The following TMEM87B variants were observed in gnomAD, a reference collection of about 807,000 sequenced individuals.
The protein encoded by TMEM87B is transmembrane protein 87B.
In TMEM87B, 83 loss-of-function variants were observed where a neutral mutation model predicts 80.3. The ratio of observed to expected loss-of-function variants is 1.03; its 90% CI spans 0.87 to 1.24. The LOEUF (loss-of-function observed/expected upper bound fraction) is 1.24, where lower values mean the gene tolerates loss of function less well. Among genes scored for constraint, TMEM87B ranks in the 50% most tolerant of loss-of-function variants. The pLI, the probability that TMEM87B is intolerant of heterozygous loss-of-function variation, is 0.00. For missense variants in TMEM87B, 625 were observed against 674.4 expected (o/e 0.93, Z 0.81); for synonymous variants, 219 against 230.5 (o/e 0.95, Z 0.45).
rs781164169 is a variant in TMEM87B at position 112,097,098 on chromosome 2, G to C, written c.1159G>C (p.Val387Leu). 6.2e-7 allele frequency: 1 copy of C among 1,609,174 alleles called. No homozygotes were observed. Among genetic ancestry groups the C allele is most frequent in the Non-Finnish European group, 8.5e-7 (1 of 1,178,702 alleles). ...GACCCTAAGGCTAAGAAAGAACACT[G>C]TGAAATTTTCATTATATAGACATTT... The part of the protein sequence containing the change: ...MKTLRLRKNT[V>L]KFSLYRHFKN... Residue 387 changes from valine (V) to leucine (L), a missense_variant, in exon 12 of 19, where the codon GTG becomes CTG. By Grantham distance (32) the Val-to-Leu change is conservative. Transcript: ENST00000283206.
At chr2:112,077,160 AT>A (rs1246966012) in intron 5 of TMEM87B, 31 bp from the exon 6 acceptor site, 1 of 1,297,662 alleles carries the variant, frequency 7.7e-7, no homozygotes, top group Admixed American at 2.0e-5. Context: ...TTTGTTAAAA[AT>A]AATGAAGAAT....
chr2:112,057,599 C>T (rs928932888), intron 1 of TMEM87B, among the ~76,000 whole-genome samples: 1 of 151,834 alleles, frequency 6.6e-6, no homozygotes, highest in African/African-American at 2.4e-5. Context: ...TTTGAGTGTA[C>T]AAGGGAGCAA....
chr2:112,055,821 G>A (rs1558823715), intron 1 of TMEM87B, 65 bp downstream of exon 1: 1 of 1,433,368 alleles, frequency 7.0e-7, no homozygotes, highest in Non-Finnish European at 9.1e-7. Flanking sequence ...GTGCGGCTTC[G>A]CTTGACCCCG....
At chr2:112,110,361 A>T (rs1005982023) in intron 17 of TMEM87B, among the ~76,000 whole-genome samples, 1 of 151,594 alleles carries the variant, frequency 6.6e-6, no homozygotes, top group African/African-American at 2.4e-5. Context: ...GAATTTCTTC[A>T]TGCTTTGTTT....
intron 4 of TMEM87B, among the ~76,000 whole-genome samples, chr2:112,070,997 AT>A (rs902997004): frequency 1.4e-4 from 20 of 145,842 alleles, no homozygotes; most frequent in Non-Finnish European, 2.9e-4. Context: ...AATTTTTTGT[AT>A]TTTTTTTTAG....
At chr2:112,094,138 A>G (rs1338838762) in intron 11 of TMEM87B, among the ~76,000 whole-genome samples, 3 of 149,310 alleles carry the variant, frequency 2.0e-5, no homozygotes, top group African/African-American at 7.4e-5. Context: ...ATTTATAGAT[A>G]TTTATTTCAA....
At chr2:112,078,361 G>A (rs1678883810) in intron 6 of TMEM87B, among the ~76,000 whole-genome samples, 1 of 152,164 alleles carries the variant, frequency 6.6e-6, no homozygotes, top group African/African-American at 2.4e-5. Context: ...CACCTTAAAC[G>A]ATGTGTTCTC....
intron 15 of TMEM87B, 45 bp from the exon 16 acceptor site, chr2:112,105,955 AAT>A: frequency 7.5e-7 from 1 of 1,330,606 alleles, no homozygotes; most frequent in Non-Finnish European, 1.0e-6. Context: ...TCTAAAGGAA[AAT>A]ATTATTTTGT....
At chr2:112,073,344 C>T (rs59183373) in intron 4 of TMEM87B, among the ~76,000 whole-genome samples, 118 of 152,254 alleles carry the variant, frequency 7.8e-4, no homozygotes, top group African/African-American at 2.5e-3. Flanking sequence ...TGATTTCTGC[C>T]TTAATTTCAT....
At chr2:112,099,665 C>T in intron 14 of TMEM87B, among the ~76,000 whole-genome samples, 1 of 150,200 alleles carries the variant, frequency 6.7e-6, no homozygotes, top group Non-Finnish European at 1.5e-5. Flanking sequence ...GACTTGAGCC[C>T]AGGAATTCGA....
chr2:112,085,008 C>T (rs1052986628), intron 8 of TMEM87B, among the ~76,000 whole-genome samples: 2 of 152,228 alleles, frequency 1.3e-5, no homozygotes, highest in African/African-American at 4.8e-5. Context: ...AGACAACATG[C>T]AAACAAATGA....
At chr2:112,098,469 G>A (rs777490346) in intron 13 of TMEM87B, 126 bp from the exon 14 acceptor site, 24 of 812,262 alleles carry the variant, frequency 3.0e-5, no homozygotes, top group Non-Finnish European at 2.2e-5. Flanking sequence ...ATATGTGCTT[G>A]TTTATTTGGA....
chr2:112,061,088 C>T (rs1051030555), intron 2 of TMEM87B, among the ~76,000 whole-genome samples: 1 of 152,090 alleles, frequency 6.6e-6, no homozygotes, highest in Admixed American at 6.5e-5. Context: ...AATTGCTGGA[C>T]AACATTTTAA....
chr2:112,060,285 C>G (rs66990408), intron 2 of TMEM87B, among the ~76,000 whole-genome samples: 71,888 of 151,260 alleles, frequency 0.48, 17,511 homozygotes, highest in Middle Eastern at 0.65. Context: ...GGAGGCAGAG[C>G]TTGCAGTGAG....
chr2:112,055,854 C>G, intron 1 of TMEM87B, 98 bp downstream of exon 1: 1 of 1,357,466 alleles, frequency 7.4e-7, no homozygotes, highest in Non-Finnish European at 9.6e-7. Flanking sequence ...CTGCCTCTGC[C>G]GGGTCAGCAC....
At chr2:112,088,713 T>C (rs1321303669) in intron 9 of TMEM87B, among the ~76,000 whole-genome samples, 1 of 152,170 alleles carries the variant, frequency 6.6e-6, no homozygotes, top group African/African-American at 2.4e-5. Flanking sequence ...ATCTTTGTAT[T>C]TTCCCAACTC....
At position 112,081,532 on chromosome 2, in the gene TMEM87B, G is replaced by A; in HGVS notation, c.838+14G>A. On this transcript the variant is annotated intron_variant, in intron 8 of 18. Transcript: ENST00000283206. ...CTGGACTGTCAAGTAAGTTTTGACT[G>A]TCTCTGTAAATATAGTATGATCTAA... is the stretch of plus-strand genomic sequence containing the variant. 1 of 1,594,924 alleles carries A rather than the reference G, an allele frequency of 6.3e-7. No individual in the cohort carries two copies. Among genetic ancestry groups the A allele is most frequent in the South Asian group, 1.1e-5 (1 of 87,948 alleles).
intron 15 of TMEM87B, among the ~76,000 whole-genome samples, chr2:112,103,549 A>G (rs772902355): frequency 1.3e-5 from 2 of 152,230 alleles, no homozygotes; most frequent in Non-Finnish European, 1.5e-5. Context: ...AAAGAAGCCA[A>G]TCACAAAAGA....
At chr2:112,085,308 T>G (rs1679109998) in intron 8 of TMEM87B, among the ~76,000 whole-genome samples, 1 of 152,248 alleles carries the variant, frequency 6.6e-6, no homozygotes, top group South Asian at 2.1e-4. Flanking sequence ...TCCTCTTTTC[T>G]TCTCTGTGCC....
Sources: gnomAD v4.1 joint callset for allele counts (sites outside exome capture counted in the v4.1 genomes callset) on GRCh38, gnomAD v4.1.1 for gene constraint, MANE v1.5 for transcripts, NCBI Gene and HGNC (gene_info 2026-07-23, HGNC 2026-07-21) for gene names.